KCTD16: variants seen among roughly 807,000 people sequenced by gnomAD.
KCTD16 encodes the protein BTB/POZ domain-containing protein KCTD16.
Under a neutral mutation model 33.2 loss-of-function variants are expected in KCTD16, and 13 were observed. The ratio of observed to expected loss-of-function variants is 0.39; its 90% CI spans 0.25 to 0.62. The LOEUF is 0.62. Among genes scored for constraint, KCTD16 ranks in the 20% least tolerant of loss-of-function variants. The pLI is 0.50. For synonymous variants in KCTD16, 197 were observed against 195.3 expected (o/e 1.01, Z -0.07); for missense variants, 441 against 525.1 (o/e 0.84, Z 1.57).
At chr5:144,228,283 T>C (rs992521107) in intron 3 of KCTD16, among the ~76,000 whole-genome samples, 2 of 151,790 alleles carry the variant, frequency 1.3e-5, no homozygotes, top group Admixed American at 1.3e-4. Flanking sequence ...ACCAGGAAAG[T>C]GGGGTGTCCT....
intron 3 of KCTD16, among the ~76,000 whole-genome samples, chr5:144,470,047 TC>T (rs535464362): frequency 1.3e-5 from 2 of 151,974 alleles, no homozygotes; most frequent in Non-Finnish European, 1.5e-5. Context: ...ACCTATTTTC[TC>T]CCCAAATGGA....
At chr5:144,361,587 A>G (rs1751713887) in intron 3 of KCTD16, among the ~76,000 whole-genome samples, 1 of 152,216 alleles carries the variant, frequency 6.6e-6, no homozygotes, top group Non-Finnish European at 1.5e-5. Flanking sequence ...ATACAAATAT[A>G]CAGAACCCCT....
At chr5:144,372,056 T>A (rs746745534) in intron 3 of KCTD16, among the ~76,000 whole-genome samples, 5 of 152,154 alleles carry the variant, frequency 3.3e-5, no homozygotes, top group Non-Finnish European at 7.3e-5. Context: ...CAGTCTTACA[T>A]GTTGGACACA....
intron 3 of KCTD16, among the ~76,000 whole-genome samples, chr5:144,241,753 G>A (rs1363937998): frequency 1.3e-5 from 2 of 152,096 alleles, no homozygotes; most frequent in Non-Finnish European, 2.9e-5. Flanking sequence ...CTGAATGAGT[G>A]GATTAGTGGC....
intron 3 of KCTD16, among the ~76,000 whole-genome samples, chr5:144,241,956 A>G (rs1754415796): frequency 1.3e-5 from 2 of 152,334 alleles, no homozygotes; most frequent in East Asian, 3.9e-4. Flanking sequence ...TAAGAATTGA[A>G]GACTCCCGTT....
intron 3 of KCTD16, among the ~76,000 whole-genome samples, chr5:144,314,319 A>G (rs1305930729): frequency 1.3e-5 from 2 of 152,184 alleles, no homozygotes; most frequent in African/African-American, 4.8e-5. Context: ...ATGCTCTGCC[A>G]CAGCAAATTG....
At chr5:144,421,109 G>A (rs1753198544) in intron 3 of KCTD16, among the ~76,000 whole-genome samples, 1 of 152,104 alleles carries the variant, frequency 6.6e-6, no homozygotes, top group Admixed American at 6.6e-5. Context: ...AGGCCACAGG[G>A]CAAGTATAGA....
At chr5:144,471,788 T>G (rs575734072) in intron 3 of KCTD16, among the ~76,000 whole-genome samples, 1 of 152,238 alleles carries the variant, frequency 6.6e-6, no homozygotes, top group African/African-American at 2.4e-5. Flanking sequence ...GATTCCTTTT[T>G]GGCTAATTGG....
intron 3 of KCTD16, among the ~76,000 whole-genome samples, chr5:144,428,751 G>A (rs975849027): frequency 7.9e-5 from 12 of 152,154 alleles, no homozygotes; most frequent in Non-Finnish European, 8.8e-5. Context: ...ACACTCCCAG[G>A]GTGCCTGTGA....
chr5:144,427,703 G>A (rs2126966829), intron 3 of KCTD16, among the ~76,000 whole-genome samples: 1 of 152,208 alleles, frequency 6.6e-6, no homozygotes, highest in East Asian at 1.9e-4. Flanking sequence ...CAGCCTGGGT[G>A]CCTTCCAGGT....
At chr5:144,305,972 C>A (rs1751595674) in intron 3 of KCTD16, among the ~76,000 whole-genome samples, 3 of 152,158 alleles carry the variant, frequency 2.0e-5, no homozygotes, top group South Asian at 2.1e-4. Context: ...TTTAAGCCAT[C>A]CATTCAATGG....
At chr5:144,346,695 A>G (rs948491246) in intron 3 of KCTD16, among the ~76,000 whole-genome samples, 6 of 151,948 alleles carry the variant, frequency 3.9e-5, no homozygotes, top group Non-Finnish European at 7.4e-5. Context: ...ACCATTTTTG[A>G]TTGGATTATT....
In KCTD16 at chr5:144,479,649, A is replaced by T. The variant is rs979917703; in HGVS notation, c.*5535A>T. On this transcript the variant is annotated 3_prime_UTR_variant, in exon 4 of 4. Transcript: ENST00000512467. ...ATTAAAACAAAAATGGTTAAATTTGATTCAGTTTGTTGCCCTCTCTCCTCT... is the reference window on the plus strand; with the variant it reads ...ATTAAAACAAAAATGGTTAAATTTGTTTCAGTTTGTTGCCCTCTCTCCTCT... 3.3e-5 allele frequency: 5 copies of T among 151,914 alleles called. No homozygotes were observed. The highest frequency in any genetic ancestry group is 2.0e-4 in the Admixed American group (3 of 15,220). 9.4% of individuals were successfully genotyped at this position (151,914 alleles called of 1,614,324 possible).
At chr5:144,425,352 C>A (rs1223820073) in intron 3 of KCTD16, among the ~76,000 whole-genome samples, 1 of 151,928 alleles carries the variant, frequency 6.6e-6, no homozygotes, top group Non-Finnish European at 1.5e-5. Flanking sequence ...TTGTTGGGCT[C>A]ATCCCACCCA....
At chr5:144,303,094 C>A (rs1173665650) in intron 3 of KCTD16, among the ~76,000 whole-genome samples, 1 of 152,170 alleles carries the variant, frequency 6.6e-6, no homozygotes, top group East Asian at 1.9e-4. Flanking sequence ...AGCGTTAGTG[C>A]CTCCTTTCAA....
chr5:144,435,244 A>G (rs2126972251), intron 3 of KCTD16, among the ~76,000 whole-genome samples: 1 of 152,306 alleles, frequency 6.6e-6, no homozygotes, highest in South Asian at 2.1e-4. Flanking sequence ...ACCTGTCTGT[A>G]AATTGCTTCA....
intron 3 of KCTD16, among the ~76,000 whole-genome samples, chr5:144,257,613 C>G (rs1001721184): frequency 6.6e-6 from 1 of 151,934 alleles, no homozygotes; most frequent in African/African-American, 2.4e-5. Flanking sequence ...CTCAGCCTCC[C>G]GAGTAGCTGG....
intron 3 of KCTD16, among the ~76,000 whole-genome samples, chr5:144,343,700 C>A (rs954376141): frequency 6.6e-6 from 1 of 152,122 alleles, no homozygotes. Context: ...CTTTCCTGCT[C>A]TCTCTTGTTG....
At chr5:144,466,392 A>G (rs1214720764) in intron 3 of KCTD16, among the ~76,000 whole-genome samples, 1 of 152,020 alleles carries the variant, frequency 6.6e-6, no homozygotes, top group Non-Finnish European at 1.5e-5. Flanking sequence ...TCCTTCATGT[A>G]GTCATTTTCA....
Sources: allele counts gnomAD v4.1 joint callset (sites outside exome capture counted in the v4.1 genomes callset), GRCh38; gene constraint gnomAD v4.1.1; transcripts MANE v1.5; gene names NCBI Gene and HGNC (gene_info 2026-07-23, HGNC 2026-07-21).